Variants in GRID2 observed in about 807,000 individuals in gnomAD.
GRID2 encodes glutamate ionotropic receptor delta type subunit 2.
A neutral mutation model predicts 114.8 loss-of-function variants in GRID2; 33 were observed. The observed-to-expected ratio is 0.29, with a 90% confidence interval of 0.22 to 0.38. The LOEUF (loss-of-function observed/expected upper bound fraction) is 0.38. Ranked by LOEUF, GRID2 falls within the 10% of genes least tolerant of loss-of-function variation. The pLI, the probability that GRID2 is intolerant of heterozygous loss-of-function variation, is 1.00. For missense variants in GRID2, 1,184 were observed against 1,257.7 expected (o/e 0.94, Z 0.89); for synonymous variants, 505 against 449.9 (o/e 1.12, Z -1.55).
Position 92,348,163 on chromosome 4 carries a change from A to G in GRID2, c.88+43419A>G, listed in dbSNP as rs1727874916. 2.0e-5 allele frequency among the ~76,000 whole-genome samples: 3 copies of G among 152,112 alleles called. No individual in the cohort carries two copies. The South Asian group carries it at 6.2e-4, about 32-fold the overall frequency. On this transcript the variant is annotated intron_variant, in intron 1 of 15. Transcript: ENST00000282020. ...AAATTTTTAGTGGAGATGAGGTCTC[A>G]CTATGTTGCTCATGTTGGTCTCAAA... is the stretch of plus-strand genomic sequence containing the variant.
rs1313242771 is a variant in GRID2 at position 93,238,380 on chromosome 4, A to C, written c.1135A>C (p.Ser379Arg). ...MLETIKKGGV[S>R]GLTGELEFGE... ...CTGTTCTCTCCTTTAGGGTGGAGTT[A>C]GTGGGTTGACTGGAGAGCTAGAATT... The change falls in exon 8 of 16, where the codon AGT becomes CGT. Residue 379 changes from serine to arginine, a missense_variant. Coordinates refer to ENST00000282020, the MANE Select transcript of GRID2 (RefSeq NM_001510.4). The C allele has an allele frequency of 6.2e-7, 1 of 1,603,952 alleles. No individual in the cohort carries two copies. The highest frequency in any genetic ancestry group is 8.5e-7 in the Non-Finnish European group (1 of 1,171,650).
At chr4:93,565,952 T>A (rs1735368941) in intron 13 of GRID2, among the ~76,000 whole-genome samples, 1 of 152,192 alleles carries the variant, frequency 6.6e-6, no homozygotes, top group Non-Finnish European at 1.5e-5. Context: ...TTTGGTGGCT[T>A]AACCCAACAA....
At chr4:93,684,860 C>T (rs540062634) in intron 14 of GRID2, among the ~76,000 whole-genome samples, 3 of 152,036 alleles carry the variant, frequency 2.0e-5, no homozygotes, top group South Asian at 4.1e-4. Flanking sequence ...GGGACCATGA[C>T]TAAAGTTTGG....
At position 93,110,832 on chromosome 4, in the gene GRID2, A is replaced by C. The variant is rs540216022; in HGVS notation, c.614A>C (p.Asn205Thr). Residue 205 changes from asparagine (N) to threonine (T), a missense_variant, in exon 4 of 16, where the codon AAT (asparagine) becomes ACT (threonine). Around this residue, in one of 3 missense-constraint regions of GRID2, gnomAD observed 455 missense variants for 429.5 expected, o/e 1.06. Coordinates refer to ENST00000282020, the MANE Select transcript of GRID2 (RefSeq NM_001510.4). ...CTTCAGAAGGTAGAAAACAACATCAATAAAATGATTACCACTCTCTTTGAC... is the reference window on the plus strand; with the variant it reads ...CTTCAGAAGGTAGAAAACAACATCACTAAAATGATTACCACTCTCTTTGAC... ...VALQKVENNI[N>T]KMITTLFDTM... is the part of the protein sequence containing the mutation. 6.2e-7 allele frequency: 1 copy of C among 1,611,780 alleles called. No individual in the cohort carries two copies. The highest frequency in any genetic ancestry group is 8.5e-7 in the Non-Finnish European group (1 of 1,177,970).
chr4:92,570,493 AT>A (rs1207988009), intron 1 of GRID2, among the ~76,000 whole-genome samples: 1 of 152,132 alleles, frequency 6.6e-6, no homozygotes, highest in African/African-American at 2.4e-5. Flanking sequence ...TCTGTGAAGA[AT>A]GCCAATGTGA....
chr4:92,843,328 C>T (rs1267963250), intron 2 of GRID2, among the ~76,000 whole-genome samples: 1 of 152,020 alleles, frequency 6.6e-6, no homozygotes, highest in Non-Finnish European at 1.5e-5. Flanking sequence ...ATTCAGCCAT[C>T]AACAACACAA....
intron 1 of GRID2, among the ~76,000 whole-genome samples, chr4:92,364,581 G>T (rs1233678974): frequency 6.6e-6 from 1 of 151,488 alleles, no homozygotes; most frequent in Non-Finnish European, 1.5e-5. Context: ...ATTGAGGAGA[G>T]GTCTAGTATA....
At chr4:93,325,968 G>T (rs1757791745) in intron 8 of GRID2, among the ~76,000 whole-genome samples, 1 of 152,212 alleles carries the variant, frequency 6.6e-6, no homozygotes, top group South Asian at 2.1e-4. Flanking sequence ...TTCTTCACTG[G>T]AGGAGGTCAT....
chr4:93,692,016 T>C (rs1726607894), intron 14 of GRID2, among the ~76,000 whole-genome samples: 1 of 152,084 alleles, frequency 6.6e-6, no homozygotes, highest in Non-Finnish European at 1.5e-5. Context: ...TCAGTATTGT[T>C]CTAGGAATCA....
intron 14 of GRID2, among the ~76,000 whole-genome samples, chr4:93,690,026 A>T (rs1311929395): frequency 6.6e-6 from 1 of 152,134 alleles, no homozygotes; most frequent in Non-Finnish European, 1.5e-5. Context: ...ATAGGAGTGT[A>T]TACATAACTA....
intron 2 of GRID2, among the ~76,000 whole-genome samples, chr4:92,626,204 A>T (rs1254039348): frequency 6.6e-6 from 1 of 152,044 alleles, no homozygotes; most frequent in African/African-American, 2.4e-5. Flanking sequence ...GGGGGTATCT[A>T]TAATCAGAAC....
intron 2 of GRID2, among the ~76,000 whole-genome samples, chr4:92,896,651 A>T (rs1747185978): frequency 6.6e-6 from 1 of 152,058 alleles, no homozygotes; most frequent in Non-Finnish European, 1.5e-5. Flanking sequence ...TTACATCATA[A>T]CAATTTCTCA....
intron 2 of GRID2, among the ~76,000 whole-genome samples, chr4:92,652,939 CATAT>C (rs1285823274): frequency 1.5e-5 from 1 of 66,190 alleles, no homozygotes; most frequent in African/African-American, 5.1e-5. Flanking sequence ...TATATATAAA[CATAT>C]ATTTATAAAT....
At chr4:93,549,745 C>T (rs1229722876) in intron 13 of GRID2, among the ~76,000 whole-genome samples, 1 of 152,016 alleles carries the variant, frequency 6.6e-6, no homozygotes, top group Non-Finnish European at 1.5e-5. Context: ...TTCTGCCAAG[C>T]AAATTAATAT....
At chr4:93,133,742 G>A (rs1735001830) in intron 4 of GRID2, among the ~76,000 whole-genome samples, 1 of 152,042 alleles carries the variant, frequency 6.6e-6, no homozygotes, top group Non-Finnish European at 1.5e-5. Flanking sequence ...CCAACAGAAA[G>A]CTATGCACGG....
At chr4:92,833,497 T>C (rs1742256126) in intron 2 of GRID2, among the ~76,000 whole-genome samples, 1 of 152,108 alleles carries the variant, frequency 6.6e-6, no homozygotes, top group Non-Finnish European at 1.5e-5. Flanking sequence ...TTGATGATCT[T>C]TCTTTCTCTG....
chr4:93,453,117 C>A (rs1722853425), intron 10 of GRID2, among the ~76,000 whole-genome samples: 1 of 149,198 alleles, frequency 6.7e-6, no homozygotes, highest in African/African-American at 2.5e-5. Flanking sequence ...CAATTCCCAC[C>A]TATGAGTGAG....
At chr4:92,317,367 A>G (rs953925393) in intron 1 of GRID2, among the ~76,000 whole-genome samples, 4 of 152,220 alleles carry the variant, frequency 2.6e-5, no homozygotes, top group African/African-American at 7.2e-5. Context: ...ACATATTTAT[A>G]TAGACTTTTA....
intron 1 of GRID2, among the ~76,000 whole-genome samples, chr4:92,407,846 T>C (rs1731100968): frequency 6.6e-6 from 1 of 152,190 alleles, no homozygotes; most frequent in Admixed American, 6.5e-5. Flanking sequence ...CTTTGTCAGC[T>C]GAATAACTTA....
Sources: allele counts gnomAD v4.1 joint callset (sites outside exome capture counted in the v4.1 genomes callset), GRCh38; gene constraint gnomAD v4.1.1; regional missense constraint gnomAD v4.1.1; transcripts MANE v1.5; gene names NCBI Gene and HGNC (gene_info 2026-07-23, HGNC 2026-07-21).